The following IMPG2 variants were observed in gnomAD, a reference collection of about 807,000 sequenced individuals.
IMPG2 encodes IPM 200.
A neutral mutation model predicts 129.2 loss-of-function variants in IMPG2; 91 were observed. The ratio of observed to expected loss-of-function variants is 0.70; its 90% CI spans 0.59 to 0.84. The LOEUF is 0.84. Among genes scored for constraint, IMPG2 ranks in the 40% least tolerant of loss-of-function variants. The probability of loss-of-function intolerance (pLI) is 0.00; values close to 1 mark genes in which losing one functional copy is unlikely to be tolerated. For synonymous variants in IMPG2, 510 were observed against 517.7 expected (o/e 0.99, Z 0.20); for missense variants, 1,430 against 1,461.7 (o/e 0.98, Z 0.35).
At chr3:101,291,413 G>T in intron 4 of IMPG2, 66 bp downstream of exon 4, 1 of 1,328,704 alleles carries the variant, frequency 7.5e-7, no homozygotes, top group Non-Finnish European at 1.1e-6. Flanking sequence ...TTTGGGGTGA[G>T]TCTTGAATTA....
At chr3:101,267,573 G>A in intron 8 of IMPG2, 42 bp from the exon 9 acceptor site, 1 of 1,499,814 alleles carries the variant, frequency 6.7e-7, no homozygotes, top group Non-Finnish European at 9.3e-7. Context: ...GTTTGAGACA[G>A]TTATTATTGT....
intron 13 of IMPG2, 24 bp downstream of exon 13, chr3:101,243,505 C>T: frequency 6.8e-6 from 11 of 1,607,392 alleles, no homozygotes; most frequent in Non-Finnish European, 9.4e-6. Flanking sequence ...TCACTAGTGC[C>T]CATGTTTCAC....
chr3:101,294,137 C>T (rs980704463), intron 3 of IMPG2, among the ~76,000 whole-genome samples: 23 of 152,056 alleles, frequency 1.5e-4, no homozygotes, highest in African/African-American at 4.1e-4. Flanking sequence ...AGGTTTGTTA[C>T]GTAGGTATAC....
intron 9 of IMPG2, among the ~76,000 whole-genome samples, chr3:101,262,392 T>C (rs1364701367): frequency 1.3e-5 from 2 of 152,096 alleles, no homozygotes; most frequent in African/African-American, 4.8e-5. Context: ...ATATATCTCA[T>C]AGACTATTTC....
At chr3:101,240,598 G>T (rs952531469) in intron 14 of IMPG2, among the ~76,000 whole-genome samples, 2 of 152,142 alleles carry the variant, frequency 1.3e-5, no homozygotes, top group Non-Finnish European at 1.5e-5. Context: ...GGAACTAAGG[G>T]TCAGGGATAA....
rs1324055902 is a variant in IMPG2, at chr3:101,242,711, T to A, written c.2999A>T (p.Lys1000Ile). The change falls in exon 14 of 19, where the codon AAA (lysine) becomes ATA (isoleucine). Residue 1000 changes from lysine to isoleucine, a missense_variant. Coordinates refer to ENST00000193391, the MANE Select transcript of IMPG2 (RefSeq NM_016247.4). ...ACCTGATTCCACATCAAGAGAGTAT[T>A]TATCAATAGCCAAGTTCATGGTATT... ...AYNTMNLAID[K>I]YSLDVESGDE... is the part of the protein sequence containing the mutation. 2.5e-6 allele frequency: 4 copies of A among 1,613,288 alleles called. No homozygotes were observed. In the East Asian group the frequency reaches 8.9e-5, roughly 36 times the overall value.
At chr3:101,275,064 A>G (rs919887133) in intron 6 of IMPG2, among the ~76,000 whole-genome samples, 1 of 126,042 alleles carries the variant, frequency 7.9e-6, no homozygotes, top group African/African-American at 3.8e-5. Flanking sequence ...GCTCTATATT[A>G]AAAAAAAAAA....
chr3:101,280,624 C>T (rs1376861635), intron 4 of IMPG2, among the ~76,000 whole-genome samples: 1 of 151,858 alleles, frequency 6.6e-6, no homozygotes, highest in Non-Finnish European at 1.5e-5. Context: ...ATATATCATC[C>T]CAAACAGAAT....
chr3:101,290,277 C>T (rs146570101), intron 4 of IMPG2, among the ~76,000 whole-genome samples: 75 of 152,208 alleles, frequency 4.9e-4, no homozygotes, highest in African/African-American at 1.6e-3. Flanking sequence ...GAGGCTGAGG[C>T]GGGCCAATTG....
chr3:101,225,466 T>A lies in IMPG2; in HGVS notation c.*1503A>T, dbSNP rs1191228213. 2.6e-5 allele frequency: 4 copies of A among 152,236 alleles called. No homozygotes were observed. Among genetic ancestry groups the A allele is most frequent in the African/African-American group, 9.7e-5 (4 of 41,450 alleles). 9.4% of individuals were successfully genotyped at this position (152,236 alleles called of 1,614,324 possible). ...ACACAACCTGTTATCCATACATACT[T>A]TGCAAAATACCTGGCCATCTTCAAG... On this transcript the variant is annotated 3_prime_UTR_variant, in exon 19 of 19. Transcript: ENST00000193391.
At chr3:101,289,302 A>G (rs1706980053) in intron 4 of IMPG2, among the ~76,000 whole-genome samples, 1 of 152,194 alleles carries the variant, frequency 6.6e-6, no homozygotes, top group South Asian at 2.1e-4. Context: ...AGGCAGTATT[A>G]ATAGAGGTTA....
At chr3:101,256,170 AAAGAAAG>A (rs1706601766) in intron 10 of IMPG2, among the ~76,000 whole-genome samples, 1 of 147,996 alleles carries the variant, frequency 6.8e-6, no homozygotes, top group Non-Finnish European at 1.5e-5. Context: ...AGAAAGAAAG[AAAGAAAG>A]AAAGAAAGAA....
chr3:101,319,114 T>C (rs1382536110), intron 2 of IMPG2, among the ~76,000 whole-genome samples: 2 of 152,122 alleles, frequency 1.3e-5, no homozygotes, highest in East Asian at 1.9e-4. Flanking sequence ...TACTTAGGCA[T>C]TTACTGTAAT....
rs1409752869 is a variant in IMPG2 at position 101,224,799 on chromosome 3, A to T, written c.*2170T>A. 2 of 152,216 alleles carry T rather than the reference A, an allele frequency of 1.3e-5. No homozygotes were observed. Among genetic ancestry groups the T allele is most frequent in the Non-Finnish European group, 2.9e-5 (2 of 68,034 alleles). The allele number at this position is 152,216 out of a possible 1,614,324, so 9.4% of individuals were successfully genotyped here. A position where few individuals can be genotyped will look rare whatever the true frequency, so the allele number is the denominator to read the frequency against. ...TTACTCTTCCATTTCATTGGTGTGG[A>T]GCAGACATTCATGAAGAGCTAAGTG... On this transcript the variant is annotated 3_prime_UTR_variant, in exon 19 of 19. Coordinates refer to ENST00000193391, the MANE Select transcript of IMPG2 (RefSeq NM_016247.4).
intron 14 of IMPG2, among the ~76,000 whole-genome samples, chr3:101,238,010 G>A (rs1706366525): frequency 6.6e-6 from 1 of 152,022 alleles, no homozygotes; most frequent in Non-Finnish European, 1.5e-5. Context: ...AGAATAACCA[G>A]TGCAGAGAAG....
chr3:101,299,233 G>A (rs144731236), intron 3 of IMPG2, among the ~76,000 whole-genome samples: 1 of 152,246 alleles, frequency 6.6e-6, no homozygotes, highest in Non-Finnish European at 1.5e-5. Flanking sequence ...GTGTTTTTGA[G>A]CTCCATCAGG....
At position 101,253,768 on chromosome 3, in the gene IMPG2, C is replaced by A. The variant is rs753305302; in HGVS notation, c.1167G>T (p.Leu389Phe). Residue 389 changes from leucine to phenylalanine, a missense_variant, in exon 11 of 19, where the codon TTG becomes TTT. Transcript: ENST00000193391. ...SLQLINVRGV[L>F]RHQTEDLVWN... ...AAACTAGATCTTCAGTTTGGTGACGCAAAACTCCTCTCACTGAGGAAAGAA... is the reference window on the plus strand; with the variant it reads ...AAACTAGATCTTCAGTTTGGTGACGAAAAACTCCTCTCACTGAGGAAAGAA... 1 of 1,609,830 alleles carries A rather than the reference C, an allele frequency of 6.2e-7. No homozygotes were observed. Among genetic ancestry groups the A allele is most frequent in the Non-Finnish European group, 8.5e-7 (1 of 1,177,554 alleles).
At chr3:101,242,193 T>C (rs1559642153) in intron 14 of IMPG2, among the ~76,000 whole-genome samples, 1 of 152,130 alleles carries the variant, frequency 6.6e-6, no homozygotes, top group African/African-American at 2.4e-5. Flanking sequence ...CTATCTTAAA[T>C]TTGATATACA....
At chr3:101,229,229 T>C (rs1396482071) in intron 17 of IMPG2, 151 bp downstream of exon 17, 1 of 718,732 alleles carries the variant, frequency 1.4e-6, no homozygotes, top group Admixed American at 2.1e-5. Context: ...AGATACGAGG[T>C]AAAAACCAAT....
Sources: gnomAD v4.1 joint callset for allele counts (sites outside exome capture counted in the v4.1 genomes callset) on GRCh38, gnomAD v4.1.1 for gene constraint, MANE v1.5 for transcripts, NCBI Gene and HGNC (gene_info 2026-07-23, HGNC 2026-07-21) for gene names.